Variants in RASA1 observed in about 807,000 individuals in gnomAD.
The protein encoded by RASA1 is ras GTPase-activating protein 1.
RASA1 carries 25 observed loss-of-function variants against 132.2 expected under a neutral mutation model. The observed-to-expected ratio is 0.19, with a 90% CI of 0.14 to 0.26. The LOEUF (loss-of-function observed/expected upper bound fraction) is 0.26. Ranked by LOEUF, RASA1 falls within the 10% of genes least tolerant of loss-of-function variation. The probability of loss-of-function intolerance (pLI) is 1.00; values close to 1 mark genes in which losing one functional copy is unlikely to be tolerated. For missense variants in RASA1, 964 were observed against 1,299.2 expected (o/e 0.74, Z 3.97); for synonymous variants, 477 against 449.9 (o/e 1.06, Z -0.76).
chr5:87,271,055 A>G (rs1753808765), intron 1 of RASA1, among the ~76,000 whole-genome samples: 1 of 152,232 alleles, frequency 6.6e-6, no homozygotes, highest in Non-Finnish European at 1.5e-5. Context: ...CCTGACCGAG[A>G]TGGAGAAACC....
intron 22 of RASA1, among the ~76,000 whole-genome samples, 171 bp from the exon 23 acceptor site, chr5:87,386,655 G>T (rs1762081528): frequency 6.6e-6 from 1 of 151,986 alleles, no homozygotes; most frequent in African/African-American, 2.4e-5. Context: ...TGTTGCTGCT[G>T]CTACACCTAA....
At chr5:87,360,203 T>C (rs1361231427) in intron 9 of RASA1, among the ~76,000 whole-genome samples, 1 of 150,088 alleles carries the variant, frequency 6.7e-6, no homozygotes, top group Non-Finnish European at 1.5e-5. Flanking sequence ...CTCAGCTCAC[T>C]GCAACCTCCG....
intron 1 of RASA1, among the ~76,000 whole-genome samples, chr5:87,324,272 T>C (rs1358970925): frequency 6.6e-6 from 1 of 152,180 alleles, no homozygotes; most frequent in East Asian, 1.9e-4. Context: ...TAGTAGGTAT[T>C]GTGCTAGCCT....
chr5:87,342,274 T>A (rs1273478232), intron 6 of RASA1, among the ~76,000 whole-genome samples: 2 of 151,908 alleles, frequency 1.3e-5, no homozygotes, highest in African/African-American at 2.4e-5. Flanking sequence ...ATTCTCTGCC[T>A]TAGTCTCCTG....
chr5:87,273,174 A>T (rs1026337394), intron 1 of RASA1, among the ~76,000 whole-genome samples: 1 of 152,150 alleles, frequency 6.6e-6, no homozygotes, highest in African/African-American at 2.4e-5. Flanking sequence ...ATTAATTAGT[A>T]TTTTGTACCT....
chr5:87,338,514 TATATATATATATATATATAAAA>T (rs1365377824), intron 5 of RASA1, among the ~76,000 whole-genome samples: 2 of 98,790 alleles, frequency 2.0e-5, no homozygotes, highest in Admixed American at 2.1e-4. Flanking sequence ...TATATATATA[TATATATATATATATATATAAAA>T]TTTTTTTTTT....
chr5:87,379,631 C>T, intron 18 of RASA1, 104 bp from the exon 19 acceptor site: 1 of 1,469,158 alleles, frequency 6.8e-7, no homozygotes, highest in Non-Finnish European at 9.1e-7. Flanking sequence ...CACAGAGATA[C>T]CGAAAAATAG....
chr5:87,377,054 ATGT>A lies in RASA1; in HGVS notation c.2344+16_2344+18del. On this transcript the variant is annotated intron_variant, in intron 17 of 24. Transcript: ENST00000274376. Reference sequence around the variant, plus strand: ...TAAGCATGGAAGGTATGGTATGGCCATGTTAGTGTGATACAAGAAACTGGGTTT... The same window carrying A: ...TAAGCATGGAAGGTATGGTATGGCCATAGTGTGATACAAGAAACTGGGTTT... The A allele has an allele frequency of 6.2e-7, 1 of 1,609,700 alleles. No individual in the cohort carries two copies. The highest frequency in any genetic ancestry group is 1.1e-5 in the South Asian group (1 of 90,978).
In RASA1 at chr5:87,268,959, G is replaced by A. The variant is rs761820082; in HGVS notation, c.508G>A (p.Ala170Thr). 1.2e-6 allele frequency: 2 copies of A among 1,614,220 alleles called. No individual in the cohort carries two copies. Among genetic ancestry groups the A allele is most frequent in the Admixed American group, 3.3e-5 (2 of 60,030 alleles). The change falls in exon 1 of 25, where the codon GCC (alanine) becomes ACC (threonine). Residue 170 changes from alanine (A) to threonine (T), a missense_variant. Around this residue, in one of 6 missense-constraint regions of RASA1, gnomAD observed 326 missense variants for 275.8 expected, o/e 1.18. Transcript: ENST00000274376. ...DGPEYEEEEV[A>T]IPLTAPPTNQ... The stretch of plus-strand genomic sequence containing the variant: ...ACCAGAATACGAGGAGGAAGAGGTG[G>A]CCATACCGTTGACCGCTCCTCCAAC...
chr5:87,271,010 G>A lies in RASA1; in HGVS notation c.539+2020G>A, dbSNP rs369570433. Among the ~76,000 whole-genome samples the A allele has an allele frequency of 5.9e-5, 9 of 152,080 alleles. 1 individual carries two copies. The highest frequency in any genetic ancestry group is 3.9e-4 in the East Asian group (2 of 5,190). ...TCCCAGCACTTCGGGAGGCCGAGGC[G>A]GGTGGATCACCTGAAGTCCGGAGTT... is the stretch of plus-strand genomic sequence containing the variant. On this transcript the variant is annotated intron_variant, in intron 1 of 24. Transcript: ENST00000274376.
chr5:87,373,760 C>T (rs1761119197), intron 13 of RASA1, among the ~76,000 whole-genome samples: 1 of 152,118 alleles, frequency 6.6e-6, no homozygotes, highest in African/African-American at 2.4e-5. Context: ...GAAATAGAAT[C>T]TTCCAGATAA....
At chr5:87,270,582 G>C (rs1055428389) in intron 1 of RASA1, among the ~76,000 whole-genome samples, 2 of 148,756 alleles carry the variant, frequency 1.3e-5, no homozygotes, top group Admixed American at 1.3e-4. Context: ...CCTGACCTCA[G>C]GTGATCCGCC....
At chr5:87,349,092 C>T in intron 7 of RASA1, 122 bp from the exon 8 acceptor site, 1 of 1,157,148 alleles carries the variant, frequency 8.6e-7, no homozygotes, top group Non-Finnish European at 1.2e-6. Flanking sequence ...AAAAAAAAAA[C>T]AAGTTCCTGG....
chr5:87,323,327 C>G (rs1756963843), intron 1 of RASA1, among the ~76,000 whole-genome samples: 2 of 152,014 alleles, frequency 1.3e-5, no homozygotes, highest in African/African-American at 4.8e-5. Flanking sequence ...TTAAAAAAAT[C>G]TTTGTTGAAT....
intron 11 of RASA1, among the ~76,000 whole-genome samples, chr5:87,364,780 C>A (rs1760380827): frequency 6.6e-6 from 1 of 152,080 alleles, no homozygotes; most frequent in Non-Finnish European, 1.5e-5. Context: ...AGCATTCACT[C>A]CCATAATTAT....
intron 1 of RASA1, among the ~76,000 whole-genome samples, chr5:87,305,545 A>G (rs1755569060): frequency 6.6e-6 from 1 of 152,326 alleles, no homozygotes; most frequent in African/African-American, 2.4e-5. Flanking sequence ...GGAAGACAAC[A>G]TAGGCAGTAC....
chr5:87,342,702 A>T (rs1580310825), intron 6 of RASA1, among the ~76,000 whole-genome samples: 1 of 152,312 alleles, frequency 6.6e-6, no homozygotes, highest in Non-Finnish European at 1.5e-5. Flanking sequence ...AACTGTGGGA[A>T]GTAGAAAACT....
chr5:87,390,649 C>G, intron 24 of RASA1, 151 bp from the exon 25 acceptor site: 1 of 709,032 alleles, frequency 1.4e-6, no homozygotes, highest in Non-Finnish European at 2.5e-6. Flanking sequence ...CAGCCAATGA[C>G]TGAATAATAG....
At chr5:87,336,669 A>G (rs1036457388) in intron 4 of RASA1, among the ~76,000 whole-genome samples, 3 of 152,234 alleles carry the variant, frequency 2.0e-5, no homozygotes, top group Non-Finnish European at 4.4e-5. Flanking sequence ...TGAAATTAGA[A>G]ATATCTCTTA....
Sources: allele counts gnomAD v4.1 joint callset (sites outside exome capture counted in the v4.1 genomes callset), GRCh38; gene constraint gnomAD v4.1.1; regional missense constraint gnomAD v4.1.1; transcripts MANE v1.5; gene names NCBI Gene and HGNC (gene_info 2026-07-23, HGNC 2026-07-21).